The following TNS1 variants were observed in gnomAD, a reference collection of about 807,000 sequenced individuals.
TNS1 encodes tensin 1.
A neutral mutation model predicts 168.6 loss-of-function variants in TNS1; 62 were observed. The ratio of observed to expected loss-of-function variants is 0.37; its 90% CI spans 0.30 to 0.45. The LOEUF (loss-of-function observed/expected upper bound fraction) is 0.45. Among genes scored for constraint, TNS1 ranks in the 20% least tolerant of loss-of-function variants. The probability of loss-of-function intolerance (pLI) is 1.00; values close to 1 mark genes in which losing one functional copy is unlikely to be tolerated. For synonymous variants in TNS1, 934 were observed against 933.2 expected, an observed-to-expected ratio of 1.00 and a Z score of -0.02; for missense variants, 2,240 against 2,339.4, an observed-to-expected ratio of 0.96 and a Z score of 0.88.
chr2:217,996,948 G>A (rs1958481133), intron 1 of TNS1, among the ~76,000 whole-genome samples: 1 of 147,982 alleles, frequency 6.8e-6, no homozygotes, highest in Admixed American at 6.7e-5. Flanking sequence ...CAATCCCCAA[G>A]ATCCACTTCC....
At position 218,015,585 on chromosome 2, in the gene TNS1, T is replaced by C. The variant is rs925204690; in HGVS notation, c.156+18235A>G. Among the ~76,000 whole-genome samples, 8 of 152,310 alleles carry C rather than the reference T, an allele frequency of 5.3e-5. No individual in the cohort carries two copies. In the East Asian group the frequency reaches 1.5e-3, roughly 29 times the overall value. ...GGAGAACAGCTTGATCACTCTCTTCTGCACAATGAATGCCTTCAGACCCTC... is the reference window on the plus strand; with the variant it reads ...GGAGAACAGCTTGATCACTCTCTTCCGCACAATGAATGCCTTCAGACCCTC... On this transcript the variant is annotated intron_variant, in intron 1 of 1. Transcript: ENST00000649572.
At chr2:217,934,331 AC>A (rs778578251) in intron 3 of TNS1, among the ~76,000 whole-genome samples, 2 of 152,014 alleles carry the variant, frequency 1.3e-5, no homozygotes, top group Non-Finnish European at 2.9e-5. Flanking sequence ...GCTGGCCGGG[AC>A]CCCCAGCTCC....
At chr2:217,903,064 A>G (rs1953207853) in intron 6 of TNS1, among the ~76,000 whole-genome samples, 1 of 152,156 alleles carries the variant, frequency 6.6e-6, no homozygotes, top group East Asian at 1.9e-4. Flanking sequence ...GTGCCTTTGG[A>G]AGCATGCCTC....
chr2:217,893,400 G>GCACACACACACACACACACACA (rs55877465), intron 10 of TNS1, 39 bp downstream of exon 10: 3 of 1,251,208 alleles, frequency 2.4e-6, no homozygotes, highest in African/African-American at 3.1e-5. Context: ...GTGCGCGCGC[G>GCACACACACACACACACACACA]CACACACACA....
chr2:217,959,995 C>T (rs1036948616), intron 3 of TNS1, among the ~76,000 whole-genome samples: 2 of 151,936 alleles, frequency 1.3e-5, no homozygotes, highest in Non-Finnish European at 2.9e-5. Flanking sequence ...AGAAGGAAGC[C>T]GGCAGGAGGA....
rs1467283616 is a variant in TNS1, at chr2:217,809,674, TGGGA to T, written c.5273+145_5273+148del. The stretch of plus-strand genomic sequence containing the variant: ...ATGGATGGATAAGTAGCTGGGTAGA[TGGGA>T]GGTAGATGCAAGATAGATGGATGAG... On this transcript the variant is annotated intron_variant, in intron 30 of 32. Coordinates refer to ENST00000682258, the MANE Select transcript of TNS1 (RefSeq NM_001387777.1). 160 of 779,626 alleles carry T rather than the reference TGGGA, an allele frequency of 2.1e-4. 1 individual carries two copies. In the East Asian group the frequency reaches 4.3e-3, roughly 21 times the overall value. 48.3% of individuals were successfully genotyped at this position (779,626 alleles called of 1,614,324 possible).
chr2:217,821,818 A>C lies in TNS1; in HGVS notation c.3494T>G (p.Leu1165Arg). 1 of 1,562,882 alleles carries C rather than the reference A, an allele frequency of 6.4e-7. No individual in the cohort carries two copies. Residue 1165 changes from leucine (L) to arginine (R), a missense_variant, in exon 23 of 33, where the codon CTG (leucine) becomes CGG (arginine). Around this residue, in one of 2 missense-constraint regions of TNS1, gnomAD observed 2,131 missense variants for 2,171.2 expected, o/e 0.98. Coordinates refer to ENST00000682258, the MANE Select transcript of TNS1 (RefSeq NM_001387777.1). Reference sequence around the variant, plus strand: ...GGAGCCACCCAGGGTCCCGTTCCTCAGGGGTATCTCATGGCCATAGGCCTG... The same window carrying C: ...GGAGCCACCCAGGGTCCCGTTCCTCCGGGGTATCTCATGGCCATAGGCCTG... ...ATQAYGHEIP[L>R]RNGTLGGSFV...
intron 18 of TNS1, among the ~76,000 whole-genome samples, chr2:217,874,064 C>T (rs1226698151): frequency 6.9e-6 from 1 of 145,162 alleles, no homozygotes; most frequent in Non-Finnish European, 1.5e-5. Context: ...AGCTAGCAGC[C>T]AGGTAGGAGC....
chr2:217,983,866 G>C (rs1267020664), intron 2 of TNS1, among the ~76,000 whole-genome samples: 1 of 152,164 alleles, frequency 6.6e-6, no homozygotes, highest in Non-Finnish European at 1.5e-5. Flanking sequence ...AACTTGTCTA[G>C]GCCACGGTAC....
intron 18 of TNS1, chr2:217,879,531 T>C (rs1950502068): frequency 2.5e-6 from 1 of 392,452 alleles, no homozygotes; most frequent in African/African-American, 2.1e-5. Context: ...GGAAAAGGGG[T>C]TGGGAACTGA....
intron 2 of TNS1, among the ~76,000 whole-genome samples, chr2:217,982,071 G>GC (rs1262833478): frequency 2.6e-5 from 4 of 152,190 alleles, no homozygotes; most frequent in African/African-American, 7.2e-5. Context: ...TTTGACTTCA[G>GC]CCTTGGTCTC....
intron 11 of TNS1, among the ~76,000 whole-genome samples, chr2:217,892,227 G>T (rs1472953684): frequency 1.3e-5 from 2 of 152,162 alleles, no homozygotes; most frequent in African/African-American, 4.8e-5. Context: ...AGCCTCCTGA[G>T]TAGCTGGGAT....
intron 3 of TNS1, among the ~76,000 whole-genome samples, chr2:217,975,638 C>T (rs1181724431): frequency 2.0e-5 from 3 of 152,144 alleles, no homozygotes; most frequent in Non-Finnish European, 2.9e-5. Flanking sequence ...AGAAATTTCT[C>T]GCATACCTCG....
chr2:217,906,071 A>T (rs1575031445), intron 6 of TNS1, among the ~76,000 whole-genome samples: 1 of 151,598 alleles, frequency 6.6e-6, no homozygotes, highest in Non-Finnish European at 1.5e-5. Context: ...CTCATCACAC[A>T]CCCTCTCTCC....
chr2:217,897,723 A>G, intron 8 of TNS1, 75 bp downstream of exon 8: 4 of 1,431,322 alleles, frequency 2.8e-6, no homozygotes, highest in Non-Finnish European at 9.3e-7. Flanking sequence ...TGGCAGGGAT[A>G]CCAGTCATGT....
At chr2:217,853,721 A>T (rs1947798169) in intron 18 of TNS1, among the ~76,000 whole-genome samples, 2 of 152,242 alleles carry the variant, frequency 1.3e-5, no homozygotes, top group South Asian at 2.1e-4. Context: ...GCTGAGCTTG[A>T]TTGCACCACG....
rs142110237 is a variant in TNS1, at chr2:217,931,423, C to T, written c.187-11187G>A. ...AACCCAAAGAGCCAAAGGTCTCAGGCAGTGCTGAGGACCATGCCAACCACC... is the reference window on the plus strand; with the variant it reads ...AACCCAAAGAGCCAAAGGTCTCAGGTAGTGCTGAGGACCATGCCAACCACC... On this transcript the variant is annotated intron_variant, in intron 3 of 32. Transcript: ENST00000682258. 6.7e-3 allele frequency among the ~76,000 whole-genome samples: 1,023 copies of T among 152,318 alleles called. 4 individuals are homozygous for T. Among genetic ancestry groups the T allele is most frequent in the Non-Finnish European group, 0.011 (777 of 68,026 alleles).
intron 3 of TNS1, among the ~76,000 whole-genome samples, chr2:217,976,067 G>A (rs1275238965): frequency 6.6e-6 from 1 of 152,112 alleles, no homozygotes; most frequent in African/African-American, 2.4e-5. Flanking sequence ...ATCATCATCT[G>A]GGTCCCACCT....
chr2:218,003,595 G>C (rs1028542694), upstream of TNS1, among the ~76,000 whole-genome samples: 1 of 152,158 alleles, frequency 6.6e-6, no homozygotes, highest in African/African-American at 2.4e-5. Context: ...CCCCCAGGCT[G>C]TGGGTTTCAT....
Sources: allele counts gnomAD v4.1 joint callset (sites outside exome capture counted in the v4.1 genomes callset), GRCh38; gene constraint gnomAD v4.1.1; regional missense constraint gnomAD v4.1.1; transcripts MANE v1.5; gene names NCBI Gene and HGNC (gene_info 2026-07-23, HGNC 2026-07-21).